SYT9: variants seen among roughly 807,000 people sequenced by gnomAD.
The protein encoded by SYT9 is synaptotagmin-9.
Under a neutral mutation model 48.4 loss-of-function variants are expected in SYT9, and 22 were observed. The observed-to-expected ratio is 0.45, with a 90% CI of 0.32 to 0.65. SYT9 has a LOEUF of 0.65. Ranked by LOEUF, SYT9 falls within the 30% of genes least tolerant of loss-of-function variation. The pLI is 0.03. For synonymous variants in SYT9, 265 were observed against 245.0 expected (o/e 1.08, Z -0.76); for missense variants, 577 against 622.0 (o/e 0.93, Z 0.77).
In SYT9 at chr11:7,382,266, T is replaced by A. The variant is rs186693345; in HGVS notation, c.1045-33776T>A. ...GCATGTGAGAGAGATGGTGGTATCT[T>A]AAGATAGGGTAGCACTATGGAAAAG... On this transcript the variant is annotated intron_variant, in intron 3 of 6. Transcript: ENST00000318881. Among the ~76,000 whole-genome samples the A allele has an allele frequency of 2.1e-3, 316 of 152,328 alleles. 2 individuals are homozygous for A. The highest frequency in any genetic ancestry group is 7.3e-3 in the African/African-American group (304 of 41,572).
chr11:7,238,851 A>T, exon 1 of SYT9: 1 of 456,042 alleles, frequency 2.2e-6, no homozygotes, highest in South Asian at 1.5e-5. Context: ...TGAAGAAGCC[A>T]GTAATGCAGA....
At chr11:7,241,453 TG>T (rs1847739682) in intron 1 of SYT9, among the ~76,000 whole-genome samples, 1 of 152,182 alleles carries the variant, frequency 6.6e-6, no homozygotes, top group Non-Finnish European at 1.5e-5. Flanking sequence ...ATATGAACTT[TG>T]GTGAGTTGCA....
intron 3 of SYT9, chr11:7,314,177 A>G (rs1307629779): frequency 7.6e-6 from 5 of 658,494 alleles, no homozygotes; most frequent in Non-Finnish European, 1.1e-5. Flanking sequence ...TCTCTTTTCT[A>G]CTTTCAGATT....
At chr11:7,387,731 T>G (rs1850688770) in intron 3 of SYT9, among the ~76,000 whole-genome samples, 1 of 152,188 alleles carries the variant, frequency 6.6e-6, no homozygotes, top group Admixed American at 6.5e-5. Context: ...TTTCCATATC[T>G]GGTTTGGATG....
chr11:7,384,298 A>T (rs1163330289), intron 3 of SYT9, among the ~76,000 whole-genome samples: 1 of 151,958 alleles, frequency 6.6e-6, no homozygotes, highest in East Asian at 1.9e-4. Flanking sequence ...ATTCTCTTAT[A>T]TCTAATTGGC....
chr11:7,302,803 T>C (rs564394720), intron 1 of SYT9, among the ~76,000 whole-genome samples: 1 of 152,352 alleles, frequency 6.6e-6, no homozygotes, highest in African/African-American at 2.4e-5. Flanking sequence ...TTTCTAAACA[T>C]GGCTTGCATG....
intron 1 of SYT9, among the ~76,000 whole-genome samples, chr11:7,294,956 C>T (rs1414666905): frequency 3.9e-5 from 6 of 152,206 alleles, no homozygotes; most frequent in Admixed American, 3.9e-4. Flanking sequence ...GACAGCCTTC[C>T]TTCGTTCCTT....
At chr11:7,301,543 C>T (rs1848920005) in intron 1 of SYT9, among the ~76,000 whole-genome samples, 1 of 152,176 alleles carries the variant, frequency 6.6e-6, no homozygotes, top group African/African-American at 2.4e-5. Flanking sequence ...ATTGTGAGTA[C>T]TATTTAGAAC....
intron 3 of SYT9, among the ~76,000 whole-genome samples, chr11:7,348,706 T>TTTTTTTTTTTTTTTTTTTTTC (rs1849849714): frequency 7.2e-6 from 1 of 139,096 alleles, no homozygotes; most frequent in Non-Finnish European, 1.5e-5. Flanking sequence ...TTTTTTTTTT[T>TTTTTTTTTTTTTTTTTTTTTC]TTTTTTTTTT....
rs1360395715 is a variant in SYT9 at position 7,279,326 on chromosome 11, G to C, written c.146-23713G>C. Among the ~76,000 whole-genome samples the C allele has an allele frequency of 2.6e-5, 4 of 152,036 alleles. No homozygotes were observed. The South Asian group carries it at 6.2e-4, about 24-fold the overall frequency. ...TCTTGACTTCAGCAATATTTTTATTGGGCAGTTTATGATAACCAATATGTC... is the reference window on the plus strand; with the variant it reads ...TCTTGACTTCAGCAATATTTTTATTCGGCAGTTTATGATAACCAATATGTC... On this transcript the variant is annotated intron_variant, in intron 1 of 6. Coordinates refer to ENST00000318881, the MANE Select transcript of SYT9 (RefSeq NM_175733.4).
At chr11:7,404,736 T>G (rs1211915599) in intron 3 of SYT9, among the ~76,000 whole-genome samples, 1 of 152,184 alleles carries the variant, frequency 6.6e-6, no homozygotes, top group Non-Finnish European at 1.5e-5. Context: ...AGGGCATGAA[T>G]GCTTTGGTCA....
intron 1 of SYT9, among the ~76,000 whole-genome samples, chr11:7,281,099 T>A (rs1848485102): frequency 1.3e-5 from 2 of 152,244 alleles, no homozygotes; most frequent in African/African-American, 4.8e-5. Flanking sequence ...AACTCACAGA[T>A]ATGTGACGGG....
At chr11:7,433,778 C>T (rs544903041) in intron 6 of SYT9, among the ~76,000 whole-genome samples, 50 of 152,290 alleles carry the variant, frequency 3.3e-4, no homozygotes, top group South Asian at 1.0e-3. Flanking sequence ...TCAGCTAGCA[C>T]CTTATCTTGG....
At chr11:7,321,858 T>G (rs1849343739) in intron 3 of SYT9, among the ~76,000 whole-genome samples, 1 of 152,186 alleles carries the variant, frequency 6.6e-6, no homozygotes, top group South Asian at 2.1e-4. Flanking sequence ...TGGTAACTTC[T>G]GGGTTGTTGC....
At chr11:7,428,525 G>A (rs115890095) in intron 6 of SYT9, among the ~76,000 whole-genome samples, 4,048 of 152,312 alleles carry the variant, frequency 0.027, 199 homozygotes, top group African/African-American at 0.092. Flanking sequence ...TTCCCTCCTG[G>A]GGAATGGGGC....
At chr11:7,407,008 A>G (rs1847027765) in intron 3 of SYT9, among the ~76,000 whole-genome samples, 1 of 152,042 alleles carries the variant, frequency 6.6e-6, no homozygotes, top group Admixed American at 6.6e-5. Context: ...CTTGATAAAT[A>G]TCTATTCATG....
chr11:7,337,158 G>C lies in SYT9; in HGVS notation c.1044+23217G>C, dbSNP rs531018987. Among the ~76,000 whole-genome samples, 4 of 152,206 alleles carry C rather than the reference G, an allele frequency of 2.6e-5. No individual in the cohort carries two copies. The South Asian group carries it at 8.3e-4, about 32-fold the overall frequency. ...TTGGCTCTCGGCTTGGCTGTTGCTG[G>C]TGTGTAGGAATGTTAGTGATTTTTA... On this transcript the variant is annotated intron_variant, in intron 3 of 6. Transcript: ENST00000318881.
chr11:7,297,081 T>TGAGAGA (rs1251698728), intron 1 of SYT9, among the ~76,000 whole-genome samples: 1 of 117,708 alleles, frequency 8.5e-6, no homozygotes, highest in African/African-American at 3.0e-5. Flanking sequence ...TGTGTGTGTG[T>TGAGAGA]GTGTGAGAGA....
At chr11:7,448,618 TC>T (rs1847983572) in intron 6 of SYT9, among the ~76,000 whole-genome samples, 1 of 152,238 alleles carries the variant, frequency 6.6e-6, no homozygotes, top group Non-Finnish European at 1.5e-5. Context: ...CCCCTGCATC[TC>T]CGATGTTGTG....
Sources: allele counts gnomAD v4.1 joint callset (sites outside exome capture counted in the v4.1 genomes callset), GRCh38; gene constraint gnomAD v4.1.1; transcripts MANE v1.5; gene names NCBI Gene and HGNC (gene_info 2026-07-23, HGNC 2026-07-21).